CHRM3: variants seen among roughly 807,000 people sequenced by gnomAD.
The protein encoded by CHRM3 is muscarinic acetylcholine receptor M3.
In CHRM3, 11 loss-of-function variants were observed where a neutral mutation model predicts 41.8. The ratio of observed to expected loss-of-function variants is 0.26; its 90% CI spans 0.17 to 0.44. CHRM3 has a LOEUF of 0.44. CHRM3 is among the 20% of genes least tolerant of loss of function. CHRM3 has a pLI of 1.00. For missense variants in CHRM3, 571 were observed against 745.4 expected (o/e 0.77, Z 2.72); for synonymous variants, 297 against 301.4 (o/e 0.99, Z 0.15).
intron 1 of CHRM3, among the ~76,000 whole-genome samples, chr1:239,464,012 C>T (rs900998885): frequency 6.6e-5 from 10 of 152,256 alleles, no homozygotes; most frequent in African/African-American, 2.4e-4. Flanking sequence ...CATGGTGGCT[C>T]ACGCCTGTAA....
At chr1:239,802,745 G>A (rs1051578127) in intron 5 of CHRM3, among the ~76,000 whole-genome samples, 2 of 152,080 alleles carry the variant, frequency 1.3e-5, no homozygotes, top group African/African-American at 4.8e-5. Flanking sequence ...CTACAGGTGT[G>A]CACCACCACG....
At chr1:239,735,196 T>C (rs1416408717) in intron 5 of CHRM3, among the ~76,000 whole-genome samples, 1 of 152,166 alleles carries the variant, frequency 6.6e-6, no homozygotes, top group African/African-American at 2.4e-5. Flanking sequence ...AGTATTACCC[T>C]AGTAGTCCTG....
At chr1:239,556,681 C>A (rs879434362) in intron 3 of CHRM3, among the ~76,000 whole-genome samples, 6 of 152,064 alleles carry the variant, frequency 3.9e-5, no homozygotes, top group Non-Finnish European at 5.9e-5. Context: ...ATGACAGGGG[C>A]CTCCTCAAGT....
chr1:239,882,576 G>A (rs1572583806), intron 6 of CHRM3, among the ~76,000 whole-genome samples: 2 of 152,256 alleles, frequency 1.3e-5, no homozygotes, highest in African/African-American at 2.4e-5. Context: ...GTTGCCTAAG[G>A]TTTTTGACAT....
At chr1:239,590,495 A>G (rs546023580) in intron 3 of CHRM3, among the ~76,000 whole-genome samples, 12 of 152,308 alleles carry the variant, frequency 7.9e-5, no homozygotes, top group Admixed American at 7.2e-4. Context: ...GTATATCCCT[A>G]AGAAGATTGT....
chr1:239,688,420 T>C (rs1461890716), intron 5 of CHRM3, among the ~76,000 whole-genome samples: 1 of 143,846 alleles, frequency 7.0e-6, no homozygotes, highest in Non-Finnish European at 1.5e-5. Flanking sequence ...TATATAAATA[T>C]ATATAAATAT....
rs367766853 is a variant in CHRM3, at chr1:239,859,819, T to TTTTATA, written c.-20+32442_-20+32443insTTATAT. On this transcript the variant is annotated intron_variant, in intron 6 of 6. Coordinates refer to ENST00000676153, the MANE Select transcript of CHRM3 (RefSeq NM_001375978.1). Reference sequence around the variant, plus strand: ...AAATTATATATAAGTTCTAAGTGTTTTATATATATATATATATATATATAT... The same window carrying TTTTATA: ...AAATTATATATAAGTTCTAAGTGTTTTTTATATATATATATATATATATATATATAT... 1.9e-4 allele frequency among the ~76,000 whole-genome samples: 25 copies of TTTTATA among 131,422 alleles called. 1 individual carries two copies. Among genetic ancestry groups the TTTTATA allele is most frequent in the South Asian group, 9.5e-4 (4 of 4,210 alleles). The allele number at this position is 131,422 out of a possible 152,430, so 86.2% of individuals were successfully genotyped here. A position where few individuals can be genotyped will look rare whatever the true frequency, so the allele number is the denominator to read the frequency against.
At chr1:239,391,095 G>A (rs1210621729) in intron 1 of CHRM3, among the ~76,000 whole-genome samples, 2 of 152,062 alleles carry the variant, frequency 1.3e-5, no homozygotes, top group African/African-American at 4.8e-5. Flanking sequence ...TCAGGATCAT[G>A]CCACTGCTCT....
chr1:239,586,891 GA>G (rs1378205548), intron 3 of CHRM3, among the ~76,000 whole-genome samples: 2 of 152,188 alleles, frequency 1.3e-5, no homozygotes, highest in Admixed American at 1.3e-4. Flanking sequence ...AGAAAAAAGG[GA>G]AAGTTGAAGC....
At chr1:239,623,085 C>T (rs1668564011) in intron 3 of CHRM3, among the ~76,000 whole-genome samples, 1 of 152,026 alleles carries the variant, frequency 6.6e-6, no homozygotes, top group South Asian at 2.1e-4. Flanking sequence ...TATAAAGGCT[C>T]AGATGATTGT....
chr1:239,876,971 ATAGT>A (rs1323472602), intron 6 of CHRM3, among the ~76,000 whole-genome samples: 1 of 152,206 alleles, frequency 6.6e-6, no homozygotes, highest in Non-Finnish European at 1.5e-5. Context: ...TCTATGAATC[ATAGT>A]TGGTATCTTC....
intron 2 of CHRM3, among the ~76,000 whole-genome samples, chr1:239,523,755 A>G (rs1669810528): frequency 6.6e-6 from 1 of 152,232 alleles, no homozygotes; most frequent in African/African-American, 2.4e-5. Flanking sequence ...GGCCGAAAGC[A>G]TAGCTGACGT....
intron 3 of CHRM3, among the ~76,000 whole-genome samples, chr1:239,599,281 T>A (rs186307494): frequency 1.3e-5 from 2 of 152,282 alleles, no homozygotes; most frequent in East Asian, 3.9e-4. Context: ...GTGACACTCT[T>A]CCACAGTGAC....
chr1:239,854,223 G>T (rs955322353), intron 6 of CHRM3, among the ~76,000 whole-genome samples: 23 of 152,066 alleles, frequency 1.5e-4, no homozygotes, highest in African/African-American at 5.6e-4. Context: ...CAATGATCAT[G>T]CTTGGAATAT....
intron 2 of CHRM3, among the ~76,000 whole-genome samples, chr1:239,532,832 G>A (rs1471419336): frequency 1.3e-5 from 2 of 152,118 alleles, no homozygotes; most frequent in Non-Finnish European, 2.9e-5. Flanking sequence ...CTAAGGAAAT[G>A]AGAACACAAA....
At chr1:239,701,450 A>G (rs1660679218) in intron 5 of CHRM3, among the ~76,000 whole-genome samples, 1 of 152,176 alleles carries the variant, frequency 6.6e-6, no homozygotes, top group African/African-American at 2.4e-5. Context: ...TTCACCAAGA[A>G]TTGTCACCAA....
chr1:239,778,694 A>C (rs571072755), intron 5 of CHRM3, among the ~76,000 whole-genome samples: 19 of 152,274 alleles, frequency 1.2e-4, no homozygotes, highest in Non-Finnish European at 2.5e-4. Flanking sequence ...GTTGGTTCGC[A>C]TAGTGTTTTC....
At chr1:239,888,099 A>C (rs2102921928) in intron 6 of CHRM3, among the ~76,000 whole-genome samples, 1 of 152,316 alleles carries the variant, frequency 6.6e-6, no homozygotes, top group South Asian at 2.1e-4. Flanking sequence ...GTCATATATC[A>C]GTAAGAATGG....
At chr1:239,691,413 C>CA (rs200830124) in intron 5 of CHRM3, among the ~76,000 whole-genome samples, 35 of 143,332 alleles carry the variant, frequency 2.4e-4, no homozygotes, top group Admixed American at 6.3e-4. Flanking sequence ...CTGATTCCTA[C>CA]AAAAAAAAAA....
Sources: allele counts gnomAD v4.1 joint callset (sites outside exome capture counted in the v4.1 genomes callset), GRCh38; gene constraint gnomAD v4.1.1; transcripts MANE v1.5; gene names NCBI Gene and HGNC (gene_info 2026-07-23, HGNC 2026-07-21).